The following ROBO3 variants were observed in gnomAD, a reference collection of about 807,000 sequenced individuals.
ROBO3 encodes the protein roundabout guidance receptor 3.
In ROBO3, 97 loss-of-function variants were observed where a neutral mutation model predicts 160.5. The observed-to-expected ratio is 0.60, with a 90% CI of 0.51 to 0.72. ROBO3 has a LOEUF of 0.72. ROBO3 is among the 30% of genes least tolerant of loss of function. The pLI is 0.00. For missense variants in ROBO3, 1,858 were observed against 1,846.5 expected (o/e 1.01, Z -0.11); for synonymous variants, 780 against 746.2 (o/e 1.05, Z -0.74).
chr11:124,872,790 G>A lies in ROBO3; in HGVS notation c.1331-94G>A, dbSNP rs143036604. 425 of 1,146,170 alleles carry A rather than the reference G, an allele frequency of 3.7e-4. No homozygotes were observed. Among genetic ancestry groups the A allele is most frequent in the Non-Finnish European group, 4.8e-4 (396 of 827,204 alleles). 71.0% of individuals were successfully genotyped at this position (1,146,170 alleles called of 1,614,324 possible). A position where few individuals can be genotyped will look rare whatever the true frequency, so the allele number is the denominator to read the frequency against. On this transcript the variant is annotated intron_variant, in intron 8 of 27. Coordinates refer to ENST00000397801, the MANE Select transcript of ROBO3 (RefSeq NM_022370.4). The surrounding 1 kb of genome is among the most constrained non-coding windows in gnomAD (Gnocchi z 4.3). Reference sequence around the variant, plus strand: ...ATCACCGGAAGTTTCAGGGGCTGGGGTAGGGAGGGTGAAGGAGCAGAGAAT... The same window carrying A: ...ATCACCGGAAGTTTCAGGGGCTGGGATAGGGAGGGTGAAGGAGCAGAGAAT...
chr11:124,876,175 G>A lies in ROBO3; in HGVS notation c.2593+50G>A, dbSNP rs758694347. Reference sequence around the variant, plus strand: ...GAGGATCTTGACGGGGGCGGGGCAAGCCCCCCACTGGGGTAGCTGTGCCTG... The same window carrying A: ...GAGGATCTTGACGGGGGCGGGGCAAACCCCCCACTGGGGTAGCTGTGCCTG... On this transcript the variant is annotated intron_variant, in intron 16 of 27. Coordinates refer to ENST00000397801, the MANE Select transcript of ROBO3 (RefSeq NM_022370.4). The surrounding 1 kb of genome is among the most constrained non-coding windows in gnomAD (Gnocchi z 5.3). 14 of 1,551,648 alleles carry A rather than the reference G, an allele frequency of 9.0e-6. No individual in the cohort carries two copies. In the East Asian group the frequency reaches 2.5e-4, roughly 28 times the overall value.
At position 124,876,770 on chromosome 11, in the gene ROBO3, G is replaced by T; in HGVS notation, c.2779+310G>T. On this transcript the variant is annotated intron_variant, in intron 17 of 27. Transcript: ENST00000397801. This position sits in a 1 kb window ranked among gnomAD's most constrained non-coding sequence, Gnocchi z 5.3. ...TCGAGGACGGAAAGCCCACTCAAAG[G>T]GCGGGGGGCGGGGCCTGGCAAGAGG... is the stretch of plus-strand genomic sequence containing the variant. 1 of 314,696 alleles carries T rather than the reference G, an allele frequency of 3.2e-6. No homozygotes were observed. Among genetic ancestry groups the T allele is most frequent in the Non-Finnish European group, 5.9e-6 (1 of 169,282 alleles). 19.5% of individuals were successfully genotyped at this position (314,696 alleles called of 1,614,324 possible). A position where few individuals can be genotyped will look rare whatever the true frequency, so the allele number is the denominator to read the frequency against.
In ROBO3 at chr11:124,880,511, G is replaced by A. The variant is rs766495124; in HGVS notation, c.4052G>A (p.Gly1351Asp). The stretch of plus-strand genomic sequence containing the variant: ...ACGGCCGGCAGCAACTCTTCCAGGG[G>A]CTCCAGCAGCTCTAGGGGCTCCCGG... ...CSTAGSNSSR[G>D]SSSSRGSRGP... The change falls in exon 27 of 28, where the codon GGC (glycine) becomes GAC (aspartate). Residue 1351 changes from glycine to aspartate, a missense_variant. Coordinates refer to ENST00000397801, the MANE Select transcript of ROBO3 (RefSeq NM_022370.4). 1.1e-5 allele frequency: 17 copies of A among 1,585,892 alleles called. No individual in the cohort carries two copies. The African/African-American group carries it at 1.2e-4, about 11-fold the overall frequency.
intron 4 of ROBO3, 23 bp downstream of exon 4, chr11:124,870,091 T>C (rs367768485): frequency 4.5e-5 from 73 of 1,613,770 alleles, no homozygotes; most frequent in South Asian, 1.3e-4. Context: ...AATTTTGACA[T>C]TATGGGAACA....
intron 1 of ROBO3, 183 bp from the exon 2 acceptor site, chr11:124,868,619 G>A: frequency 2.8e-6 from 2 of 721,564 alleles, no homozygotes; most frequent in Non-Finnish European, 4.9e-6. Context: ...GACGAGGAAC[G>A]CGGAACGTCT....
chr11:124,869,429 G>GGCCCCCCCCCCC lies in ROBO3; in HGVS notation c.488-21_488-20insGCCCCCCCCCCC. 7.7e-7 allele frequency: 1 copy of GGCCCCCCCCCCC among 1,295,762 alleles called. No individual in the cohort carries two copies. The highest frequency in any genetic ancestry group is 1.8e-5 in the African/African-American group (1 of 56,334). The allele number at this position is 1,295,762 out of a possible 1,614,324, so 80.3% of individuals were successfully genotyped here. A position where few individuals can be genotyped will look rare whatever the true frequency, so the allele number is the denominator to read the frequency against. ...TGTCACTCTACACCCTGCTTATTTC[G>GGCCCCCCCCCCC]CCCCCCACCGCCCCGCCCAGTCCTC... On this transcript the variant is annotated intron_variant, in intron 2 of 27. Coordinates refer to ENST00000397801, the MANE Select transcript of ROBO3 (RefSeq NM_022370.4). This position sits in a 1 kb window ranked among gnomAD's most constrained non-coding sequence, Gnocchi z 4.2.
At position 124,868,875 on chromosome 11, in the gene ROBO3, C is replaced by G; in HGVS notation, c.234C>G (p.Gly78=). The G allele has an allele frequency of 1.2e-6, 2 of 1,607,036 alleles. No homozygotes were observed. The highest frequency in any genetic ancestry group is 8.5e-7 in the Non-Finnish European group (1 of 1,177,766). ...CGCCAGATCTGCTGGTCTCCCGAGGCGAGCCCGCCACGTTGCCCTGCCGCG... is the reference window on the plus strand; with the variant it reads ...CGCCAGATCTGCTGGTCTCCCGAGGGGAGCCCGCCACGTTGCCCTGCCGCG... ...EQPPDLLVSR[G]EPATLPCRAE... Residue 78 remains glycine (G), a synonymous_variant, in exon 2 of 28, where the codon GGC becomes GGG. Transcript: ENST00000397801.
rs757875264 is a variant in ROBO3, at chr11:124,869,524, G to T, written c.562G>T (p.Val188Leu). ...GGGGGAGCCAGCAGTACTGGAATGCGTGCCCCCCCGCGGCCACCCGGAGCC... is the reference window on the plus strand; with the variant it reads ...GGGGGAGCCAGCAGTACTGGAATGCTTGCCCCCCCGCGGCCACCCGGAGCC... ...AVGEPAVLECVPPRGHPEPSV... is the reference protein window; with the variant it reads ...AVGEPAVLECLPPRGHPEPSV... The change falls in exon 3 of 28, where the codon GTG becomes TTG. Residue 188 changes from valine to leucine, a missense_variant. Val to Leu is a conservative substitution (Grantham distance 32). Coordinates refer to ENST00000397801, the MANE Select transcript of ROBO3 (RefSeq NM_022370.4). This position sits in a 1 kb window ranked among gnomAD's most constrained non-coding sequence, Gnocchi z 4.2. 1.9e-6 allele frequency: 3 copies of T among 1,559,794 alleles called. No homozygotes were observed. Among genetic ancestry groups the T allele is most frequent in the South Asian group, 1.2e-5 (1 of 84,538 alleles).
intron 23 of ROBO3, 74 bp from the exon 24 acceptor site, chr11:124,879,116 G>A (rs773923860): frequency 1.5e-4 from 218 of 1,477,384 alleles, no homozygotes; most frequent in Non-Finnish European, 1.9e-4. Context: ...TGATTGTCTA[G>A]CACAGTGCCA....
At chr11:124,871,847 T>C (rs1480982749) in intron 7 of ROBO3, among the ~76,000 whole-genome samples, 1 of 152,220 alleles carries the variant, frequency 6.6e-6, no homozygotes, top group Non-Finnish European at 1.5e-5. Context: ...TGAATTCTAA[T>C]TAGATTCTCA....
In ROBO3 at chr11:124,873,030, G is replaced by A; in HGVS notation, c.1477G>A (p.Gly493Arg). Residue 493 changes from glycine (G) to arginine (R), a missense_variant, in exon 9 of 28, where the codon GGG becomes AGG. By Grantham distance (125) the Gly-to-Arg change is moderately radical (BLOSUM62 -2). Coordinates refer to ENST00000397801, the MANE Select transcript of ROBO3 (RefSeq NM_022370.4). This position sits in a 1 kb window ranked among gnomAD's most constrained non-coding sequence, Gnocchi z 4.5. ...GAAGAAGGATGGGCAGTGGCTGCAG[G>A]GGGATGACCTCCAGTTCAAGACAAT... ...RWKKDGQWLQ[G>R]DDLQFKTMAN... 6.2e-7 allele frequency: 1 copy of A among 1,613,926 alleles called. No homozygotes were observed. The highest frequency in any genetic ancestry group is 1.7e-5 in the Admixed American group (1 of 60,024).
chr11:124,877,672 A>G lies in ROBO3; in HGVS notation c.2986+14A>G, dbSNP rs1315234489. 6.2e-7 allele frequency: 1 copy of G among 1,607,728 alleles called. No homozygotes were observed. Among genetic ancestry groups the G allele is most frequent in the Non-Finnish European group, 8.5e-7 (1 of 1,176,550 alleles). On this transcript the variant is annotated intron_variant, in intron 20 of 27. Coordinates refer to ENST00000397801, the MANE Select transcript of ROBO3 (RefSeq NM_022370.4). ...GATATTACAACGGTGAGGAGTTCTC[A>G]TTCCCTCACCTGGCTTCAGCGCACT...
Position 124,876,821 on chromosome 11 carries a change from A to G in ROBO3, c.2780-340A>G. 1 of 527,176 alleles carries G rather than the reference A, an allele frequency of 1.9e-6. No individual in the cohort carries two copies. Among genetic ancestry groups the G allele is most frequent in the Non-Finnish European group, 3.4e-6 (1 of 296,198 alleles). 32.7% of individuals were successfully genotyped at this position (527,176 alleles called of 1,614,324 possible). On this transcript the variant is annotated intron_variant, in intron 17 of 27. Coordinates refer to ENST00000397801, the MANE Select transcript of ROBO3 (RefSeq NM_022370.4). The surrounding 1 kb of genome is among the most constrained non-coding windows in gnomAD (Gnocchi z 5.3). ...GGGTGTGGCCAGGATCCCAGGCAGT[A>G]AATTGTGCGGCGGGGTCTGGATGGA...
At position 124,879,831 on chromosome 11, in the gene ROBO3, T is replaced by C. The variant is rs758100005; in HGVS notation, c.3841T>C (p.Trp1281Arg). The change falls in exon 26 of 28, where the codon TGG (tryptophan) becomes CGG (arginine). Residue 1281 changes from tryptophan (W) to arginine (R), a missense_variant. By Grantham distance (101) the Trp-to-Arg change is moderately radical (BLOSUM62 -3). Coordinates refer to ENST00000397801, the MANE Select transcript of ROBO3 (RefSeq NM_022370.4). The part of the protein sequence containing the change: ...PLPPPEEEAS[W>R]ALELRAAGSM... ...GCCACCGCCAGAGGAAGAGGCGAGC[T>C]GGGCCCTAGAGCTGAGGGCAGCAGG... 3.1e-6 allele frequency: 5 copies of C among 1,613,734 alleles called. No individual in the cohort carries two copies. In the African/African-American group the frequency reaches 6.7e-5, roughly 22 times the overall value.
intron 1 of ROBO3, among the ~76,000 whole-genome samples, chr11:124,866,037 G>A (rs1388217696): frequency 6.6e-6 from 1 of 152,162 alleles, no homozygotes. Flanking sequence ...GGGCAGGGAA[G>A]TCCGAGCTAA....
At position 124,879,242 on chromosome 11, in the gene ROBO3, G is replaced by A; in HGVS notation, c.3586G>A (p.Gly1196Ser). 1.3e-6 allele frequency: 2 copies of A among 1,561,012 alleles called. No homozygotes were observed. The highest frequency in any genetic ancestry group is 8.7e-7 in the Non-Finnish European group (1 of 1,152,402). The change falls in exon 24 of 28, where the codon GGC becomes AGC. Residue 1196 changes from glycine to serine, a missense_variant. Coordinates refer to ENST00000397801, the MANE Select transcript of ROBO3 (RefSeq NM_022370.4). ...SPLSVSQPML[G>S]IREARPAGLG... ...TCTCAGTGTATCCCAGCCCATGCTGGGCATCCGTGAAGCGAGGCCTGCTGG... is the reference window on the plus strand; with the variant it reads ...TCTCAGTGTATCCCAGCCCATGCTGAGCATCCGTGAAGCGAGGCCTGCTGG...
In ROBO3 at chr11:124,876,328, C is replaced by T. The variant is rs1389145503; in HGVS notation, c.2647C>T (p.Arg883Trp). The T allele has an allele frequency of 3.5e-6, 5 of 1,438,150 alleles. No individual in the cohort carries two copies. The highest frequency in any genetic ancestry group is 2.8e-5 in the Admixed American group (1 of 35,100). 89.1% of individuals were successfully genotyped at this position (1,438,150 alleles called of 1,614,324 possible). The change falls in exon 17 of 28, where the codon CGG becomes TGG. Residue 883 changes from arginine (R) to tryptophan (W), a missense_variant. Transcript: ENST00000397801. The surrounding 1 kb of genome is among the most constrained non-coding windows in gnomAD (Gnocchi z 5.3). ...GLEVGAGLAV[R>W]LARVLREPAF... ...GGAGGTGGGCGCGGGGCTGGCGGTG[C>T]GGCTGGCGAGGGTGCTGCGGGAGCC...
Position 124,869,427 on chromosome 11 carries a change from T to A in ROBO3, c.488-23T>A. Reference sequence around the variant, plus strand: ...TATGTCACTCTACACCCTGCTTATTTCGCCCCCCACCGCCCCGCCCAGTCC... The same window carrying A: ...TATGTCACTCTACACCCTGCTTATTACGCCCCCCACCGCCCCGCCCAGTCC... On this transcript the variant is annotated intron_variant, in intron 2 of 27. Coordinates refer to ENST00000397801, the MANE Select transcript of ROBO3 (RefSeq NM_022370.4). The surrounding 1 kb of genome is among the most constrained non-coding windows in gnomAD (Gnocchi z 4.2). The A allele has an allele frequency of 1.4e-6, 2 of 1,402,228 alleles. No individual in the cohort carries two copies. The highest frequency in any genetic ancestry group is 1.2e-5 in the South Asian group (1 of 81,846). 86.9% of individuals were successfully genotyped at this position (1,402,228 alleles called of 1,614,324 possible). A position where few individuals can be genotyped will look rare whatever the true frequency, so the allele number is the denominator to read the frequency against.
In ROBO3 at chr11:124,875,092, C is replaced by T. The variant is rs754363170; in HGVS notation, c.2074-19C>T. 7 of 1,579,880 alleles carry T rather than the reference C, an allele frequency of 4.4e-6. No homozygotes were observed. In the African/African-American group the frequency reaches 8.1e-5, roughly 18 times the overall value. On this transcript the variant is annotated intron_variant, in intron 13 of 27. Coordinates refer to ENST00000397801, the MANE Select transcript of ROBO3 (RefSeq NM_022370.4). Reference sequence around the variant, plus strand: ...GCCCCAGCCTCCCCTTCTGGTGTGCCTTGTCCTGTCTCCCACAGGTGGATG... The same window carrying T: ...GCCCCAGCCTCCCCTTCTGGTGTGCTTTGTCCTGTCTCCCACAGGTGGATG...
Sources: allele counts gnomAD v4.1 joint callset (sites outside exome capture counted in the v4.1 genomes callset), GRCh38; gene constraint gnomAD v4.1.1; non-coding constraint Gnocchi (gnomAD v3.1); transcripts MANE v1.5; gene names NCBI Gene and HGNC (gene_info 2026-07-23, HGNC 2026-07-21).